The following MAP4K4 variants were observed in gnomAD, a reference collection of about 807,000 sequenced individuals.
The protein encoded by MAP4K4 is mitogen-activated protein kinase kinase kinase kinase 4.
A neutral mutation model predicts 189.6 loss-of-function variants in MAP4K4; 38 were observed. The observed-to-expected ratio is 0.20, with a 90% CI of 0.15 to 0.26. MAP4K4 has a LOEUF of 0.26. Ranked by LOEUF, MAP4K4 falls within the 10% of genes least tolerant of loss-of-function variation. The pLI is 1.00. For missense variants in MAP4K4, 1,054 were observed against 1,726.9 expected (o/e 0.61, Z 6.91); for synonymous variants, 610 against 624.3 (o/e 0.98, Z 0.34).
intron 2 of MAP4K4, among the ~76,000 whole-genome samples, chr2:101,725,356 A>G (rs2054623301): frequency 6.7e-6 from 1 of 148,724 alleles, no homozygotes; most frequent in South Asian, 2.2e-4. Flanking sequence ...CTTTTGTTGT[A>G]TGCTTGAACT....
chr2:101,856,836 TTAAA>T (rs2097484309), intron 13 of MAP4K4, among the ~76,000 whole-genome samples: 1 of 152,226 alleles, frequency 6.6e-6, no homozygotes, highest in Non-Finnish European at 1.5e-5. Context: ...GAGGACCAAT[TTAAA>T]TAGCACTTGG....
At chr2:101,873,764 G>T (rs1438466822) in exon 25 of MAP4K4, 2 of 1,582,138 alleles carry the variant, frequency 1.3e-6, no homozygotes, top group African/African-American at 2.7e-5. Context: ...GACATCTGTG[G>T]GTAAGTACAG....
At chr2:101,776,251 A>C (rs1347488778) in intron 2 of MAP4K4, among the ~76,000 whole-genome samples, 1 of 152,180 alleles carries the variant, frequency 6.6e-6, no homozygotes, top group African/African-American at 2.4e-5. Context: ...CAACAACAAC[A>C]AAAAGCCCTC....
At chr2:101,874,805 T>C (rs1344562846) in intron 26 of MAP4K4, among the ~76,000 whole-genome samples, 1 of 152,374 alleles carries the variant, frequency 6.6e-6, no homozygotes, top group African/African-American at 2.4e-5. Flanking sequence ...TGTACAATTA[T>C]ACAACTTGGA....
intron 3 of MAP4K4, among the ~76,000 whole-genome samples, chr2:101,803,710 A>T (rs574091407): frequency 3.3e-5 from 5 of 152,352 alleles, no homozygotes; most frequent in South Asian, 2.1e-4. Context: ...TATAGTAGCA[A>T]CATACACAGG....
chr2:101,765,968 A>AG (rs1169101119), intron 2 of MAP4K4, among the ~76,000 whole-genome samples: 1 of 152,188 alleles, frequency 6.6e-6, no homozygotes, highest in East Asian at 1.9e-4. Context: ...TTTAAAAAAA[A>AG]TTAAAAAAAT....
chr2:101,730,809 A>C lies in MAP4K4; in HGVS notation c.123+32271A>C, dbSNP rs550428021. Among the ~76,000 whole-genome samples the C allele has an allele frequency of 5.9e-5, 9 of 152,194 alleles. 1 individual carries two copies. The highest frequency in any genetic ancestry group is 3.4e-3 in the Middle Eastern group (1 of 294). On this transcript the variant is annotated intron_variant, in intron 2 of 32. Transcript: ENST00000324219. Reference sequence around the variant, plus strand: ...ATGCCTGTAATCCCAGCACTTTGGGAGGCCGAGGCAGGCGGATCATGAGAT... The same window carrying C: ...ATGCCTGTAATCCCAGCACTTTGGGCGGCCGAGGCAGGCGGATCATGAGAT...
In MAP4K4 at chr2:101,834,375, C is replaced by G. The variant is rs1237014527; in HGVS notation, c.640-34C>G. The stretch of plus-strand genomic sequence containing the variant: ...GTAAGTTAGTGGCTTTGTATCTACT[C>G]CAGTATCTGTAACGTACTGTTTTAT... On this transcript the variant is annotated intron_variant, in intron 7 of 32. Transcript: ENST00000324219. 2.0e-6 allele frequency: 3 copies of G among 1,530,080 alleles called. No individual in the cohort carries two copies. The South Asian group carries it at 3.5e-5, about 18-fold the overall frequency. 94.8% of individuals were successfully genotyped at this position (1,530,080 alleles called of 1,614,324 possible). A position where few individuals can be genotyped will look rare whatever the true frequency, so the allele number is the denominator to read the frequency against.
chr2:101,773,222 C>G (rs115343577), intron 2 of MAP4K4, among the ~76,000 whole-genome samples: 24 of 152,326 alleles, frequency 1.6e-4, no homozygotes, highest in African/African-American at 5.5e-4. Flanking sequence ...AGTAGAGACT[C>G]TGAATCAACC....
intron 2 of MAP4K4, among the ~76,000 whole-genome samples, chr2:101,784,075 C>T (rs1371765674): frequency 1.3e-5 from 2 of 152,178 alleles, no homozygotes; most frequent in Admixed American, 6.5e-5. Context: ...ATCTTCAGTG[C>T]CATCCAGGCA....
chr2:101,777,546 A>G (rs1347538311), intron 2 of MAP4K4, among the ~76,000 whole-genome samples: 1 of 152,120 alleles, frequency 6.6e-6, no homozygotes, highest in Non-Finnish European at 1.5e-5. Context: ...TCTGCTCTCT[A>G]CCCAAATGAC....
Position 101,859,213 on chromosome 2 carries a change from C to T in MAP4K4, c.1482+131C>T, listed in dbSNP as rs2097561880. On this transcript the variant is annotated intron_variant, in intron 14 of 32. Coordinates refer to ENST00000324219, the Ensembl canonical transcript of MAP4K4. The stretch of plus-strand genomic sequence containing the variant: ...GCAGCCAGGCTGAAATAGTGATGCC[C>T]ATTTTGTGGTCCTATTGCTAGCACA... The T allele has an allele frequency of 2.1e-5, 14 of 669,838 alleles. No individual in the cohort carries two copies. The East Asian group carries it at 2.6e-4, about 13-fold the overall frequency. The allele number at this position is 669,838 out of a possible 1,614,324, so 41.5% of individuals were successfully genotyped here.
At chr2:101,741,589 C>G (rs1290746504) in intron 2 of MAP4K4, among the ~76,000 whole-genome samples, 1 of 152,056 alleles carries the variant, frequency 6.6e-6, no homozygotes, top group Non-Finnish European at 1.5e-5. Context: ...CAGCCCCCAA[C>G]CTTAATCTTT....
chr2:101,784,792 T>A (rs114779009), intron 2 of MAP4K4, among the ~76,000 whole-genome samples: 1,636 of 152,308 alleles, frequency 0.011, 37 homozygotes, highest in African/African-American at 0.037. Context: ...CTATGTAAGT[T>A]GGTTAATAGG....
At position 101,866,371 on chromosome 2, in the gene MAP4K4, T is replaced by C. The variant is rs1405013085; in HGVS notation, c.2205-57T>C. ...GGCACACCATGCACATGTTGGTAAT[T>C]TGGTGCTGCATCTAGAGATGACACA... On this transcript the variant is annotated intron_variant, in intron 18 of 32. Transcript: ENST00000324219. The C allele has an allele frequency of 5.2e-6, 8 of 1,542,796 alleles. No individual in the cohort carries two copies. The African/African-American group carries it at 1.1e-4, about 21-fold the overall frequency.
chr2:101,722,051 G>A (rs554118120), intron 2 of MAP4K4, among the ~76,000 whole-genome samples: 3 of 152,202 alleles, frequency 2.0e-5, no homozygotes, highest in African/African-American at 4.8e-5. Flanking sequence ...TTACAATAGA[G>A]GAAGATAGTA....
At chr2:101,858,768 C>T (rs897553352) in intron 13 of MAP4K4, among the ~76,000 whole-genome samples, 7 of 152,132 alleles carry the variant, frequency 4.6e-5, no homozygotes, top group African/African-American at 1.2e-4. Context: ...TAGATCCCTT[C>T]GTGTATATTA....
intron 2 of MAP4K4, among the ~76,000 whole-genome samples, chr2:101,772,856 GGGACTGGGCTCT>G (rs1558847733): frequency 6.6e-6 from 1 of 152,176 alleles, no homozygotes; most frequent in Non-Finnish European, 1.5e-5. Context: ...TACAGATGAG[GGGACTGGGCTCT>G]GGAAGTTGGT....
In MAP4K4 at chr2:101,860,808, C is replaced by T. The variant is rs1173890343; in HGVS notation, c.1705-17C>T. 11 of 1,595,024 alleles carry T rather than the reference C, an allele frequency of 6.9e-6. No individual in the cohort carries two copies. The highest frequency in any genetic ancestry group is 9.4e-6 in the Non-Finnish European group (11 of 1,170,246). On this transcript the variant is annotated splice_polypyrimidine_tract_variant and intron_variant, in intron 15 of 32. Coordinates refer to ENST00000324219, the Ensembl canonical transcript of MAP4K4. Reference sequence around the variant, plus strand: ...CCCTACTAACACTGAGTTATGTCTTCTAATTCTCTGATGCAGGTGGAAGAT... The same window carrying T: ...CCCTACTAACACTGAGTTATGTCTTTTAATTCTCTGATGCAGGTGGAAGAT...
Sources: allele counts gnomAD v4.1 joint callset (sites outside exome capture counted in the v4.1 genomes callset), GRCh38; gene constraint gnomAD v4.1.1; transcripts MANE v1.5; gene names NCBI Gene and HGNC (gene_info 2026-07-23, HGNC 2026-07-21).